Variants in PHYHIPL observed in about 807,000 individuals in gnomAD.
The protein encoded by PHYHIPL is phytanoyl-CoA 2-hydroxylase interacting protein like, also known as phytanoyl-CoA hydroxylase-interacting protein-like.
In PHYHIPL, 9 loss-of-function variants were observed where a neutral mutation model predicts 33.4. The ratio of observed to expected loss-of-function variants is 0.27; its 90% CI spans 0.16 to 0.47. The LOEUF is 0.47. Among genes scored for constraint, PHYHIPL ranks in the 20% least tolerant of loss-of-function variants. The pLI, the probability that PHYHIPL is intolerant of heterozygous loss-of-function variation, is 0.99. For missense variants in PHYHIPL, 365 were observed against 460.7 expected (o/e 0.79, Z 1.90); for synonymous variants, 153 against 154.1 (o/e 0.99, Z 0.05).
intron 1 of PHYHIPL, among the ~76,000 whole-genome samples, chr10:59,183,371 T>G (rs1234447475): frequency 1.3e-5 from 2 of 152,208 alleles, no homozygotes; most frequent in Non-Finnish European, 2.9e-5. Flanking sequence ...AAATCTAACA[T>G]TAAGAGAACC....
chr10:59,227,482 A>G (rs1054600884), intron 1 of PHYHIPL, among the ~76,000 whole-genome samples: 1 of 152,110 alleles, frequency 6.6e-6, no homozygotes. Flanking sequence ...TCACTTCCCA[A>G]TGCTGCCACC....
At chr10:59,198,551 AT>A (rs1838992033) in intron 1 of PHYHIPL, among the ~76,000 whole-genome samples, 2 of 152,092 alleles carry the variant, frequency 1.3e-5, no homozygotes, top group Admixed American at 6.5e-5. Flanking sequence ...ATGATTTATA[AT>A]CCTTTGGGTA....
chr10:59,200,231 A>C (rs1422355421), intron 1 of PHYHIPL, among the ~76,000 whole-genome samples: 5 of 152,174 alleles, frequency 3.3e-5, no homozygotes, highest in Admixed American at 2.6e-4. Context: ...GATACATCCC[A>C]TCAATATCTA....
intron 1 of PHYHIPL, among the ~76,000 whole-genome samples, chr10:59,187,155 T>C (rs1838631485): frequency 1.3e-5 from 2 of 152,240 alleles, no homozygotes; most frequent in Non-Finnish European, 2.9e-5. Context: ...CCTAATTTAT[T>C]GAGAGTTTTT....
rs7081373 is a variant in PHYHIPL, at chr10:59,207,116, A to T, written c.107-27188A>T. Among the ~76,000 whole-genome samples the T allele has an allele frequency of 2.5e-3, 386 of 152,314 alleles. 2 individuals carry two copies. Among genetic ancestry groups the T allele is most frequent in the African/African-American group, 8.9e-3 (370 of 41,558 alleles). On this transcript the variant is annotated intron_variant, in intron 1 of 4. Coordinates refer to ENST00000373880, the MANE Select transcript of PHYHIPL (RefSeq NM_032439.4). ...ACCTTAGCTGTATACATTACTTAAG[A>T]ATATCACAGAGGTGGCTGGCAAGAT...
At chr10:59,198,625 G>T (rs1024534644) in intron 1 of PHYHIPL, among the ~76,000 whole-genome samples, 1 of 152,140 alleles carries the variant, frequency 6.6e-6, no homozygotes, top group African/African-American at 2.4e-5. Flanking sequence ...TTGAGGAATC[G>T]CCACACTGTC....
rs928965778 is a variant in PHYHIPL at position 59,185,578 on chromosome 10, G to C, written c.106+8619G>C. ...ATGGTTGAACTAGTTTACAGTCCCA[G>C]CAACAGTGTAAAAGTGTTCATATTT... On this transcript the variant is annotated intron_variant, in intron 1 of 4. Transcript: ENST00000373880. 1.3e-4 allele frequency among the ~76,000 whole-genome samples: 19 copies of C among 151,816 alleles called. No homozygotes were observed. In the East Asian group the frequency reaches 1.4e-3, roughly 11 times the overall value.
intron 1 of PHYHIPL, among the ~76,000 whole-genome samples, chr10:59,191,299 A>G (rs1259581300): frequency 6.6e-6 from 1 of 151,890 alleles, no homozygotes; most frequent in Non-Finnish European, 1.5e-5. Context: ...TTTGTATTAC[A>G]TTTTCAGGTA....
rs192742998 is a variant in PHYHIPL, at chr10:59,216,918, C to T, written c.107-17386C>T. ...TAGTCTCATTGATTCATCTTTGAAT[C>T]TTCTGGCACTTAGACATTCAACAAT... On this transcript the variant is annotated intron_variant, in intron 1 of 4. Transcript: ENST00000373880. Among the ~76,000 whole-genome samples, 132 of 152,264 alleles carry T rather than the reference C, an allele frequency of 8.7e-4. 3 individuals are homozygous for T. Among genetic ancestry groups the T allele is most frequent in the Non-Finnish European group, 1.3e-3 (91 of 68,002 alleles).
chr10:59,222,940 C>T (rs1022637039), intron 1 of PHYHIPL, among the ~76,000 whole-genome samples: 5 of 152,096 alleles, frequency 3.3e-5, no homozygotes, highest in African/African-American at 1.2e-4. Flanking sequence ...TACTCATTTA[C>T]CCTATGAGGA....
chr10:59,242,141 C>A (rs1840421875), intron 4 of PHYHIPL, among the ~76,000 whole-genome samples: 1 of 152,156 alleles, frequency 6.6e-6, no homozygotes, highest in African/African-American at 2.4e-5. Context: ...ATCAGAGAAG[C>A]CTGAATAGGG....
At chr10:59,224,490 CAAAACAA>C (rs747336101) in intron 1 of PHYHIPL, among the ~76,000 whole-genome samples, 192 of 148,758 alleles carry the variant, frequency 1.3e-3, no homozygotes, top group South Asian at 3.9e-3. Context: ...CAAAACAAAA[CAAAACAA>C]AAAACAAAAC....
chr10:59,215,272 C>G lies in PHYHIPL; in HGVS notation c.107-19032C>G, dbSNP rs185390104. Among the ~76,000 whole-genome samples the G allele has an allele frequency of 2.3e-3, 356 of 152,046 alleles. 1 individual carries two copies. Among genetic ancestry groups the G allele is most frequent in the Non-Finnish European group, 4.1e-3 (281 of 67,886 alleles). ...TTGAATCTACAGAAAAGATCATTGC[C>G]TTCTAATGGGTTATCACCTGAGTAG... On this transcript the variant is annotated intron_variant, in intron 1 of 4. Coordinates refer to ENST00000373880, the MANE Select transcript of PHYHIPL (RefSeq NM_032439.4).
At chr10:59,222,144 AC>A (rs1192791158) in intron 1 of PHYHIPL, among the ~76,000 whole-genome samples, 1 of 152,094 alleles carries the variant, frequency 6.6e-6, no homozygotes, top group Non-Finnish European at 1.5e-5. Flanking sequence ...ATAAAGAAGT[AC>A]TGTATATGGA....
chr10:59,193,125 C>T (rs867691474), intron 1 of PHYHIPL, among the ~76,000 whole-genome samples: 9 of 152,052 alleles, frequency 5.9e-5, no homozygotes, highest in Admixed American at 3.9e-4. Flanking sequence ...AGAGTGAGTA[C>T]ATTAGAATGC....
At chr10:59,194,106 C>T (rs1224537608) in intron 1 of PHYHIPL, among the ~76,000 whole-genome samples, 120 of 114,788 alleles carry the variant, frequency 1.0e-3, no homozygotes, top group African/African-American at 4.0e-3. Context: ...TTTTTTGAGG[C>T]AGTCTTGCCC....
At chr10:59,207,176 A>G (rs1436221130) in intron 1 of PHYHIPL, among the ~76,000 whole-genome samples, 5 of 152,198 alleles carry the variant, frequency 3.3e-5, no homozygotes, top group Admixed American at 6.5e-5. Flanking sequence ...TGCAGCTCCC[A>G]GTGAGATCAA....
chr10:59,186,520 G>T (rs1285042916), intron 1 of PHYHIPL, among the ~76,000 whole-genome samples: 1 of 152,142 alleles, frequency 6.6e-6, no homozygotes. Flanking sequence ...TTGGTAGCTT[G>T]ATGGGGATGG....
At chr10:59,193,647 T>C (rs1838836461) in intron 1 of PHYHIPL, among the ~76,000 whole-genome samples, 1 of 152,164 alleles carries the variant, frequency 6.6e-6, no homozygotes, top group Admixed American at 6.6e-5. Flanking sequence ...TCTTGCAGAC[T>C]CTTTTTGTTT....
Sources: gnomAD v4.1 joint callset for allele counts (sites outside exome capture counted in the v4.1 genomes callset) on GRCh38, gnomAD v4.1.1 for gene constraint, MANE v1.5 for transcripts, NCBI Gene and HGNC (gene_info 2026-07-23, HGNC 2026-07-21) for gene names.